The following SCAF8 variants were observed in gnomAD, a reference collection of about 807,000 sequenced individuals.
SCAF8 encodes SR-related CTD associated factor 8, also known as SR-related and CTD-associated factor 8.
SCAF8 carries 23 observed loss-of-function variants against 140.5 expected under a neutral mutation model. That is an observed-to-expected ratio of 0.16 (90% CI 0.12 to 0.23). The LOEUF is 0.23. Ranked by LOEUF, SCAF8 falls within the 10% of genes least tolerant of loss-of-function variation. The probability of loss-of-function intolerance (pLI) is 1.00; values close to 1 mark genes in which losing one functional copy is unlikely to be tolerated. For missense variants in SCAF8, 1,397 were observed against 1,555.7 expected, an observed-to-expected ratio of 0.90 and a Z score of 1.72; for synonymous variants, 575 against 528.9, an observed-to-expected ratio of 1.09 and a Z score of -1.20.
chr6:154,752,234 C>A (rs1014583325), intron 1 of SCAF8, among the ~76,000 whole-genome samples: 1 of 152,082 alleles, frequency 6.6e-6, no homozygotes, highest in East Asian at 1.9e-4. Context: ...GACAGTTGGC[C>A]GCCAGGAAGG....
intron 16 of SCAF8, among the ~76,000 whole-genome samples, chr6:154,823,825 G>A (rs1258888266): frequency 6.6e-6 from 1 of 152,184 alleles, no homozygotes; most frequent in Non-Finnish European, 1.5e-5. Flanking sequence ...TGAGTAAAAG[G>A]TACTTATGCT....
chr6:154,779,376 A>C (rs1190915574), intron 3 of SCAF8, among the ~76,000 whole-genome samples: 1 of 152,170 alleles, frequency 6.6e-6, no homozygotes, highest in Non-Finnish European at 1.5e-5. Context: ...CATAAACTTG[A>C]TGAATAGGAA....
chr6:154,774,296 C>T (rs969864935), intron 2 of SCAF8, among the ~76,000 whole-genome samples: 2 of 152,138 alleles, frequency 1.3e-5, no homozygotes, highest in African/African-American at 4.8e-5. Flanking sequence ...ATGTCTTATT[C>T]TGTCACCCAG....
rs1241362625 is a variant in SCAF8 at position 154,733,890 on chromosome 6, G to T, written c.-11G>T. On this transcript the variant is annotated 5_prime_UTR_variant, in exon 1 of 20. Transcript: ENST00000367178. ...TTCCGCCGCCGGGCTCGGGGCCTCC[G>T]CAGCGACAACATGGAGGCCGTGAAG... 6.5e-7 allele frequency: 1 copy of T among 1,544,446 alleles called. No homozygotes were observed. The highest frequency in any genetic ancestry group is 8.7e-7 in the Non-Finnish European group (1 of 1,150,764).
intron 2 of SCAF8, among the ~76,000 whole-genome samples, chr6:154,776,536 A>G (rs72993429): frequency 0.022 from 3,308 of 152,284 alleles, 40 homozygotes; most frequent in African/African-American, 0.025. Flanking sequence ...GTATAGTAAC[A>G]AAACAAAGAA....
intron 18 of SCAF8, among the ~76,000 whole-genome samples, chr6:154,830,270 C>T (rs556295572): frequency 1.0e-3 from 154 of 152,232 alleles, no homozygotes; most frequent in Middle Eastern, 6.8e-3. Context: ...TAAAACATTT[C>T]CTAAGTTCTC....
chr6:154,824,104 A>T, intron 16 of SCAF8, 130 bp from the exon 17 acceptor site: 1 of 831,694 alleles, frequency 1.2e-6, no homozygotes, highest in Non-Finnish European at 1.9e-6. Context: ...GTATACAAAA[A>T]GGGGGCATAA....
In SCAF8 at chr6:154,808,746, A is replaced by G; in HGVS notation, c.1174A>G (p.Lys392Glu). 1 of 1,614,000 alleles carries G rather than the reference A, an allele frequency of 6.2e-7. No individual in the cohort carries two copies. Among genetic ancestry groups the G allele is most frequent in the Non-Finnish European group, 8.5e-7 (1 of 1,179,876 alleles). The change falls in exon 11 of 20, where the codon AAG becomes GAG. Residue 392 changes from lysine to glutamate, a missense_variant. Physicochemically the swap from Lys to Glu is moderately conservative, Grantham distance 56. This residue lies in a region of SCAF8 where 339 missense variants were observed against 407.5 expected (regional missense o/e 0.83). Transcript: ENST00000367178. Reference protein sequence around the residue: ...VEEEVFEQEAKKVAVRSRSRT... With the variant: ...VEEEVFEQEAEKVAVRSRSRT... Reference sequence around the variant, plus strand: ...AGAGGAGGTCTTTGAACAAGAAGCTAAGAAAGTGGCGGTTCGCTCAAGATC... The same window carrying G: ...AGAGGAGGTCTTTGAACAAGAAGCTGAGAAAGTGGCGGTTCGCTCAAGATC...
chr6:154,824,611 G>T (rs961650961), intron 17 of SCAF8, among the ~76,000 whole-genome samples: 1 of 152,136 alleles, frequency 6.6e-6, no homozygotes, highest in Admixed American at 6.6e-5. Context: ...GGTGGGAGAA[G>T]CAGCACTGAC....
chr6:154,803,487 A>G, intron 7 of SCAF8, 57 bp from the exon 8 acceptor site: 4 of 1,158,398 alleles, frequency 3.5e-6, no homozygotes, highest in Non-Finnish European at 5.2e-6. Context: ...TAGCATTTGT[A>G]ACTTGTATTT....
At chr6:154,828,008 T>C (rs1778620317) in intron 18 of SCAF8, among the ~76,000 whole-genome samples, 1 of 152,168 alleles carries the variant, frequency 6.6e-6, no homozygotes, top group Non-Finnish European at 1.5e-5. Flanking sequence ...AGCCAGCCTA[T>C]ATTGACAAAT....
chr6:154,734,403 G>A (rs78966321), intron 1 of SCAF8, among the ~76,000 whole-genome samples: 1 of 152,200 alleles, frequency 6.6e-6, no homozygotes, highest in South Asian at 2.1e-4. Context: ...GTTGATCTGT[G>A]GTCACGTTAC....
chr6:154,815,614 AAATTT>A (rs1332262121), intron 12 of SCAF8, 97 bp from the exon 13 acceptor site: 4 of 469,652 alleles, frequency 8.5e-6, no homozygotes, highest in Non-Finnish European at 1.2e-5. Flanking sequence ...ATATTATCTT[AAATTT>A]AATTATTATG....
intron 1 of SCAF8, among the ~76,000 whole-genome samples, chr6:154,768,598 T>C (rs2114836860): frequency 6.6e-6 from 1 of 152,354 alleles, no homozygotes; most frequent in Admixed American, 6.5e-5. Flanking sequence ...AATGGCGCTA[T>C]GTATGTTTGT....
intron 16 of SCAF8, among the ~76,000 whole-genome samples, chr6:154,822,991 G>A (rs980237376): frequency 2.6e-5 from 4 of 152,152 alleles, no homozygotes; most frequent in African/African-American, 9.7e-5. Flanking sequence ...GAATGGTGAG[G>A]ATAGACCTAA....
chr6:154,802,081 A>G lies in SCAF8; in HGVS notation c.717A>G (p.Gln239=). 6.2e-7 allele frequency: 1 copy of G among 1,613,140 alleles called. No individual in the cohort carries two copies. The highest frequency in any genetic ancestry group is 8.5e-7 in the Non-Finnish European group (1 of 1,179,416). The change falls in exon 7 of 20, where the codon CAA becomes CAG. Residue 239 remains glutamine (Q), a synonymous_variant. Coordinates refer to ENST00000367178, the MANE Select transcript of SCAF8 (RefSeq NM_014892.5). ...LVVQLQALTA[Q]LTAAAAAANT... ...TTCAGTTGCAAGCTCTTACGGCACA[A>G]CTTACAGCTGCAGCTGCAGCTGCCA...
intron 12 of SCAF8, among the ~76,000 whole-genome samples, chr6:154,810,747 A>C (rs1206621962): frequency 2.0e-5 from 3 of 151,994 alleles, no homozygotes; most frequent in African/African-American, 7.2e-5. Flanking sequence ...GGGAGGGTTC[A>C]CTTGGTAGGA....
At chr6:154,770,935 G>T (rs1447358101) in intron 1 of SCAF8, among the ~76,000 whole-genome samples, 1 of 152,174 alleles carries the variant, frequency 6.6e-6, no homozygotes, top group African/African-American at 2.4e-5. Flanking sequence ...AGTAGAGATG[G>T]GGTTTCGCTG....
At chr6:154,766,161 C>T (rs1431731075) in intron 1 of SCAF8, among the ~76,000 whole-genome samples, 1 of 151,938 alleles carries the variant, frequency 6.6e-6, no homozygotes, top group African/African-American at 2.4e-5. Flanking sequence ...AAAATCTTTA[C>T]CCTTGTCTTC....
Sources: gnomAD v4.1 joint callset for allele counts (sites outside exome capture counted in the v4.1 genomes callset) on GRCh38, gnomAD v4.1.1 for gene constraint, gnomAD v4.1.1 regional missense constraint, MANE v1.5 for transcripts, NCBI Gene and HGNC (gene_info 2026-07-23, HGNC 2026-07-21) for gene names.